RBFOX1: variants seen among roughly 807,000 people sequenced by gnomAD.
RBFOX1 encodes RNA binding protein fox-1 homolog 1.
A neutral mutation model predicts 57.7 loss-of-function variants in RBFOX1; 8 were observed. That is an observed-to-expected ratio of 0.14 (90% CI 0.08 to 0.25). The LOEUF is 0.25. Ranked by LOEUF, RBFOX1 falls within the 10% of genes least tolerant of loss-of-function variation. The pLI is 1.00. For synonymous variants in RBFOX1, 326 were observed against 222.4 expected (o/e 1.47, Z -4.15); for missense variants, 611 against 548.5 (o/e 1.11, Z -1.14).
At chr16:7,453,374 G>C (rs190940608) in intron 4 of RBFOX1, among the ~76,000 whole-genome samples, 38 of 152,254 alleles carry the variant, frequency 2.5e-4, no homozygotes, top group South Asian at 6.2e-4. Flanking sequence ...GGGAGGTGGA[G>C]AGTGGCCCAA....
At chr16:6,008,265 A>G (rs902430534) in intron 4 of RBFOX1, among the ~76,000 whole-genome samples, 1 of 138,310 alleles carries the variant, frequency 7.2e-6, no homozygotes, top group Non-Finnish European at 1.5e-5. Context: ...GACAAGAGGG[A>G]TGGAGCAGTT....
chr16:5,272,930 A>G (rs8063238), intron 1 of RBFOX1, among the ~76,000 whole-genome samples: 104,514 of 152,140 alleles, frequency 0.69, 36,317 homozygotes, highest in African/African-American at 0.79. Flanking sequence ...TTGGAAAGTC[A>G]TGGTAGTTCC....
At chr16:7,559,125 A>G (rs1265074619) in intron 5 of RBFOX1, among the ~76,000 whole-genome samples, 1 of 152,228 alleles carries the variant, frequency 6.6e-6, no homozygotes, top group Non-Finnish European at 1.5e-5. Flanking sequence ...TTAGGCAAAG[A>G]TAACAAAATG....
At chr16:6,298,949 A>G (rs2078462979) in intron 1 of RBFOX1, among the ~76,000 whole-genome samples, 3 of 152,166 alleles carry the variant, frequency 2.0e-5, no homozygotes, top group Admixed American at 2.0e-4. Context: ...CTTGGTAGGC[A>G]CTGGTATTCA....
chr16:5,925,949 G>C (rs1253136840), intron 4 of RBFOX1, among the ~76,000 whole-genome samples: 1 of 152,114 alleles, frequency 6.6e-6, no homozygotes, highest in South Asian at 2.1e-4. Context: ...ACATGCAGTG[G>C]CCTTCCTTAC....
chr16:6,501,007 C>G (rs1339190157), intron 2 of RBFOX1, among the ~76,000 whole-genome samples: 1 of 151,622 alleles, frequency 6.6e-6, no homozygotes, highest in East Asian at 1.9e-4. Flanking sequence ...CCCCTTCCTC[C>G]CAGAGCTACT....
intron 4 of RBFOX1, among the ~76,000 whole-genome samples, chr16:7,092,963 C>T (rs181281149): frequency 1.4e-4 from 22 of 152,262 alleles, no homozygotes; most frequent in Admixed American, 4.6e-4. Context: ...GGTTCCTTTT[C>T]GTAGGAACTT....
At chr16:5,794,406 A>G (rs188622326) in intron 3 of RBFOX1, among the ~76,000 whole-genome samples, 9 of 152,048 alleles carry the variant, frequency 5.9e-5, no homozygotes, top group East Asian at 3.9e-4. Context: ...GCCAAATTCA[A>G]TTATGTACCT....
chr16:7,111,784 G>A (rs1290723511), intron 4 of RBFOX1, among the ~76,000 whole-genome samples: 1 of 151,650 alleles, frequency 6.6e-6, no homozygotes, highest in Non-Finnish European at 1.5e-5. Flanking sequence ...CAAGGTTCTG[G>A]CCAATCTATT....
chr16:6,640,914 G>A (rs569010063), intron 2 of RBFOX1, among the ~76,000 whole-genome samples: 15 of 152,176 alleles, frequency 9.9e-5, no homozygotes, highest in African/African-American at 3.4e-4. Flanking sequence ...GAAACCCCAG[G>A]TAGGCTTCGC....
At chr16:6,656,956 CCCTTTCCTCT>C (rs2098660673) in intron 3 of RBFOX1, among the ~76,000 whole-genome samples, 2 of 91,944 alleles carry the variant, frequency 2.2e-5, no homozygotes, top group Admixed American at 1.2e-4. Flanking sequence ...TCCTCTCCTC[CCCTTTCCTCT>C]CCTCTCCTCC....
intron 4 of RBFOX1, among the ~76,000 whole-genome samples, chr16:7,156,332 T>G (rs952759108): frequency 6.6e-6 from 1 of 151,222 alleles, no homozygotes; most frequent in Non-Finnish European, 1.5e-5. Flanking sequence ...TTGCAGCATA[T>G]GTATATACAT....
chr16:6,771,356 A>G (rs961866646), intron 3 of RBFOX1, among the ~76,000 whole-genome samples: 1 of 152,178 alleles, frequency 6.6e-6, no homozygotes, highest in Non-Finnish European at 1.5e-5. Context: ...ATCTTCTTAG[A>G]TATGATGCAG....
At chr16:6,596,824 C>A (rs1337635126) in intron 2 of RBFOX1, among the ~76,000 whole-genome samples, 1 of 152,162 alleles carries the variant, frequency 6.6e-6, no homozygotes, top group Non-Finnish European at 1.5e-5. Flanking sequence ...AAGGCATTTA[C>A]AATTGAGAAC....
intron 4 of RBFOX1, among the ~76,000 whole-genome samples, chr16:7,208,439 C>A (rs1270410122): frequency 6.6e-6 from 1 of 152,154 alleles, no homozygotes; most frequent in Non-Finnish European, 1.5e-5. Flanking sequence ...GGACTTCATG[C>A]TGCTTCCACT....
Position 7,177,393 on chromosome 16 carries a change from G to A in RBFOX1, c.27+125295G>A, listed in dbSNP as rs151331717. Among the ~76,000 whole-genome samples, 1,354 of 152,154 alleles carry A rather than the reference G, an allele frequency of 8.9e-3. 8 individuals carry two copies. Among genetic ancestry groups the A allele is most frequent in the Non-Finnish European group, 0.015 (998 of 68,018 alleles). ...GAATGATAAATGCTGGAGGTGATGG[G>A]TAGTGTAAATACCCTGACTTGATCC... is the stretch of plus-strand genomic sequence containing the variant. On this transcript the variant is annotated intron_variant, in intron 4 of 15. Transcript: ENST00000550418.
chr16:7,110,215 C>G (rs945941809), intron 4 of RBFOX1, among the ~76,000 whole-genome samples: 2 of 149,184 alleles, frequency 1.3e-5, no homozygotes. Flanking sequence ...GAAAAAATAG[C>G]CAGGTGTGGC....
intron 5 of RBFOX1, among the ~76,000 whole-genome samples, chr16:7,570,293 G>A (rs2092641154): frequency 6.6e-6 from 1 of 151,966 alleles, no homozygotes; most frequent in African/African-American, 2.4e-5. Context: ...AATGCTGTGT[G>A]ATGAGTGCAT....
At chr16:7,620,299 G>A (rs2059114223) in intron 10 of RBFOX1, among the ~76,000 whole-genome samples, 1 of 152,190 alleles carries the variant, frequency 6.6e-6, no homozygotes, top group Admixed American at 6.5e-5. Flanking sequence ...TTTGACAGAT[G>A]TAACCACTGA....
Sources: allele counts gnomAD v4.1 joint callset (sites outside exome capture counted in the v4.1 genomes callset), GRCh38; gene constraint gnomAD v4.1.1; transcripts MANE v1.5; gene names NCBI Gene and HGNC (gene_info 2026-07-23, HGNC 2026-07-21).